The following STK36 variants were observed in gnomAD, a reference collection of about 807,000 sequenced individuals.
STK36 encodes serine/threonine-protein kinase 36.
STK36 carries 116 observed loss-of-function variants against 142.2 expected under a neutral mutation model. The ratio of observed to expected loss-of-function variants is 0.82; its 90% CI spans 0.70 to 0.95. The LOEUF (loss-of-function observed/expected upper bound fraction) is 0.95, where lower values mean the gene tolerates loss of function less well. Among genes scored for constraint, STK36 ranks in the 40% least tolerant of loss-of-function variants. The pLI is 0.00. For synonymous variants in STK36, 619 were observed against 641.7 expected, an observed-to-expected ratio of 0.96 and a Z score of 0.53; for missense variants, 1,422 against 1,617.2, an observed-to-expected ratio of 0.88 and a Z score of 2.07.
chr2:218,682,283 T>C (rs944501315), intron 10 of STK36, among the ~76,000 whole-genome samples: 3 of 152,154 alleles, frequency 2.0e-5, no homozygotes, highest in African/African-American at 7.2e-5. Context: ...CTCATTTGCT[T>C]TACCATCCTC....
In STK36 at chr2:218,688,780, T is replaced by C. The variant is rs73079060; in HGVS notation, c.1464T>C (p.Asp488=). ...GCAGTCTTCTCTCCAGCTGCAGTGA[T>C]TCTGTTGCCTTGTATTCCTTCTGCC... ...VLSSLLSSCS[D]SVALYSFCRE... is the part of the protein sequence containing the mutation. The change falls in exon 12 of 27, where the codon GAT becomes GAC. Residue 488 remains aspartate, a synonymous_variant. Transcript: ENST00000295709. 0.011 allele frequency: 18,267 copies of C among 1,614,122 alleles called. 1,744 individuals are homozygous for C. In the African/African-American group the frequency reaches 0.21, roughly 19 times the overall value.
At chr2:218,696,357 C>G (rs1941232840) in intron 21 of STK36, among the ~76,000 whole-genome samples, 170 bp from the exon 22 acceptor site, 4 of 152,126 alleles carry the variant, frequency 2.6e-5, no homozygotes, top group Admixed American at 2.6e-4. Context: ...TGACTGTTCT[C>G]TCTTCCCCAT....
At chr2:218,680,161 T>A in intron 9 of STK36, 81 bp downstream of exon 9, 2 of 1,359,596 alleles carry the variant, frequency 1.5e-6, no homozygotes, top group Non-Finnish European at 2.0e-6. Flanking sequence ...TACAGAATGG[T>A]CCCTGTCACT....
chr2:218,672,106 A>C lies in STK36; in HGVS notation c.-199A>C. 1.9e-6 allele frequency: 2 copies of C among 1,067,388 alleles called. No homozygotes were observed. The highest frequency in any genetic ancestry group is 2.1e-4 in the Middle Eastern group (1 of 4,698). 66.1% of individuals were successfully genotyped at this position (1,067,388 alleles called of 1,614,324 possible). A position where few individuals can be genotyped will look rare whatever the true frequency, so the allele number is the denominator to read the frequency against. On this transcript the variant is annotated 5_prime_UTR_variant, in exon 1 of 27. Coordinates refer to ENST00000295709, the MANE Select transcript of STK36 (RefSeq NM_015690.5). ...TCCTTAGCCGGGCCTGATGGCCCTG[A>C]GGCAGTTCGGATGTGTCCCAGGAAG... is the stretch of plus-strand genomic sequence containing the variant.
At position 218,702,624 on chromosome 2, in the gene STK36, A is replaced by G. The variant is rs1211288772; in HGVS notation, c.*615A>G. ...CTTTTAATAAAAGTTGTGCCTCACC[A>G]TACTTGAAGCTCCCAGGACAAGGGT... On this transcript the variant is annotated 3_prime_UTR_variant, in exon 27 of 27. Transcript: ENST00000295709. The G allele has an allele frequency of 2.0e-5, 3 of 152,182 alleles. No homozygotes were observed. Among genetic ancestry groups the G allele is most frequent in the Non-Finnish European group, 2.9e-5 (2 of 68,054 alleles). 9.4% of individuals were successfully genotyped at this position (152,182 alleles called of 1,614,324 possible).
Position 218,672,116 on chromosome 2 carries a change from G to A in STK36, c.-189G>A. The A allele has an allele frequency of 1.0e-6, 1 of 953,214 alleles. No individual in the cohort carries two copies. The allele number at this position is 953,214 out of a possible 1,614,324, so 59.0% of individuals were successfully genotyped here. ...GGCCTGATGGCCCTGAGGCAGTTCG[G>A]ATGTGTCCCAGGAAGTGCCCATGTG... On this transcript the variant is annotated 5_prime_UTR_variant, in exon 1 of 27. Transcript: ENST00000295709.
chr2:218,676,109 T>A lies in STK36; in HGVS notation c.515T>A (p.Val172Glu), dbSNP rs765505657. ...GTPLYMSPELVEERPYDHTAD... is the reference protein window; with the variant it reads ...GTPLYMSPELEEERPYDHTAD... ...CCACTCTATATGTCTCCAGAGCTGGTGGAGGAGCGACCATACGACCACACA... is the reference window on the plus strand; with the variant it reads ...CCACTCTATATGTCTCCAGAGCTGGAGGAGGAGCGACCATACGACCACACA... The change falls in exon 6 of 27, where the codon GTG (valine) becomes GAG (glutamate). Residue 172 changes from valine to glutamate, a missense_variant. By Grantham distance (121) the Val-to-Glu change is moderately radical. This residue lies in a region of STK36 where 460 missense variants were observed against 449.6 expected (regional missense o/e 1.02). Coordinates refer to ENST00000295709, the MANE Select transcript of STK36 (RefSeq NM_015690.5). 8.1e-6 allele frequency: 13 copies of A among 1,614,124 alleles called. No homozygotes were observed. The highest frequency in any genetic ancestry group is 1.1e-5 in the Non-Finnish European group (13 of 1,180,022).
chr2:218,675,481 T>C lies in STK36; in HGVS notation c.434+8T>C. On this transcript the variant is annotated splice_region_variant and intron_variant, in intron 5 of 26. Coordinates refer to ENST00000295709, the MANE Select transcript of STK36 (RefSeq NM_015690.5). ...CAAGCTCTGTGACTTTGGGTAAAGA[T>C]TCTGAGCATCCATCTAAGCTTCCAG... 6.2e-7 allele frequency: 1 copy of C among 1,612,282 alleles called. No individual in the cohort carries two copies. The highest frequency in any genetic ancestry group is 8.5e-7 in the Non-Finnish European group (1 of 1,179,366).
rs554690228 is a variant in STK36 at position 218,682,859 on chromosome 2, C to T, written c.1236+2157C>T. 8.5e-5 allele frequency among the ~76,000 whole-genome samples: 13 copies of T among 152,314 alleles called. No homozygotes were observed. The South Asian group carries it at 2.5e-3, about 29-fold the overall frequency. On this transcript the variant is annotated intron_variant, in intron 10 of 26. Transcript: ENST00000295709. ...CTGCCCGCGTCAGCCTCACAAAGTG[C>T]TGGGATTACAGTGAGCCACTGTGCC...
Position 218,672,867 on chromosome 2 carries a change from G to C in STK36, c.38G>C (p.Gly13Ala). 1.9e-6 allele frequency: 3 copies of C among 1,614,108 alleles called. No individual in the cohort carries two copies. The highest frequency in any genetic ancestry group is 2.2e-5 in the East Asian group (1 of 44,884). The change falls in exon 2 of 27, where the codon GGC becomes GCC. Residue 13 changes from glycine (G) to alanine (A), a missense_variant. Physicochemically the swap from Gly to Ala is moderately conservative, Grantham distance 60. Coordinates refer to ENST00000295709, the MANE Select transcript of STK36 (RefSeq NM_015690.5). ...KYHVLEMIGE[G>A]SFGRVYKGRR... ...CACGTGTTGGAGATGATTGGAGAAG[G>C]CTCTTTTGGGAGGGTGTACAAGGGT... is the stretch of plus-strand genomic sequence containing the variant.
At position 218,676,148 on chromosome 2, in the gene STK36, C is replaced by A; in HGVS notation, c.554C>A (p.Ser185Tyr). The change falls in exon 6 of 27, where the codon TCT (serine) becomes TAT (tyrosine). Residue 185 changes from serine (S) to tyrosine (Y), a missense_variant. Around this residue, in one of 2 missense-constraint regions of STK36, gnomAD observed 460 missense variants for 449.6 expected, o/e 1.02. Transcript: ENST00000295709. Reference protein sequence around the residue: ...RPYDHTADLWSVGCILYELAV... With the variant: ...RPYDHTADLWYVGCILYELAV... ...TACGACCACACAGCGGACCTCTGGT[C>A]TGTTGGCTGCATACTATATGAACTG... 1.9e-6 allele frequency: 3 copies of A among 1,614,162 alleles called. No homozygotes were observed. In the South Asian group the frequency reaches 3.3e-5, roughly 18 times the overall value.
At position 218,675,392 on chromosome 2, in the gene STK36, C is replaced by T. The variant is rs1469836216; in HGVS notation, c.353C>T (p.Ser118Phe). 6.2e-7 allele frequency: 1 copy of T among 1,611,290 alleles called. No homozygotes were observed. The highest frequency in any genetic ancestry group is 1.1e-5 in the South Asian group (1 of 90,878). Residue 118 changes from serine to phenylalanine, a missense_variant, in exon 5 of 27, where the codon TCC (serine) becomes TTC (phenylalanine). By Grantham distance (155) the Ser-to-Phe change is radical. Around this residue, in one of 2 missense-constraint regions of STK36, gnomAD observed 460 missense variants for 449.6 expected, o/e 1.02. Coordinates refer to ENST00000295709, the MANE Select transcript of STK36 (RefSeq NM_015690.5). ...GTGTCAGCCCTGTACTATCTGCATT[C>T]CCACCGCATCCTACACCGAGATATG... is the stretch of plus-strand genomic sequence containing the variant. ...QLVSALYYLH[S>F]HRILHRDMKP... is the part of the protein sequence containing the mutation.
intron 10 of STK36, among the ~76,000 whole-genome samples, chr2:218,684,414 C>CTTTCT (rs1940684417): frequency 2.0e-5 from 1 of 49,326 alleles, no homozygotes; most frequent in Non-Finnish European, 3.4e-5. Flanking sequence ...TGCGCCTGGC[C>CTTTCT]TTTTTTTTTT....
In STK36 at chr2:218,701,959, A is replaced by G. The variant is rs1309586240; in HGVS notation, c.3898A>G (p.Lys1300Glu). The G allele has an allele frequency of 1.9e-6, 3 of 1,614,178 alleles. No homozygotes were observed. The highest frequency in any genetic ancestry group is 1.3e-5 in the African/African-American group (1 of 75,052). ...PHSSPRPASA[K>E]HCRKLIHLLR... The stretch of plus-strand genomic sequence containing the variant: ...CAGCAGTCCTAGGCCTGCCTCTGCC[A>G]AACACTGCAGGAAACTCATTCACCT... Residue 1300 changes from lysine (K) to glutamate (E), a missense_variant, in exon 27 of 27, where the codon AAA (lysine) becomes GAA (glutamate). Coordinates refer to ENST00000295709, the MANE Select transcript of STK36 (RefSeq NM_015690.5).
intron 10 of STK36, among the ~76,000 whole-genome samples, chr2:218,683,941 T>G (rs1329273491): frequency 6.7e-6 from 1 of 150,090 alleles, no homozygotes; most frequent in Non-Finnish European, 1.5e-5. Flanking sequence ...TGCATAGTAT[T>G]CCATGGTGTA....
intron 6 of STK36, among the ~76,000 whole-genome samples, chr2:218,677,303 A>C (rs540640312): frequency 6.6e-6 from 1 of 152,210 alleles, no homozygotes; most frequent in East Asian, 1.9e-4. Flanking sequence ...GCAAGGGGGA[A>C]GTCCTCCCCC....
Position 218,697,829 on chromosome 2 carries a change from G to C in STK36, c.2910-25G>C, listed in dbSNP as rs1211767162. The C allele has an allele frequency of 1.9e-6, 3 of 1,614,026 alleles. No individual in the cohort carries two copies. The Admixed American group carries it at 5.0e-5, about 27-fold the overall frequency. ...ATAAAGGTTAAGTGAACAAGACCAA[G>C]TCTCTTCGACATTCCTCTCCTTAGG... On this transcript the variant is annotated intron_variant, in intron 24 of 26. Transcript: ENST00000295709.
rs1225507722 is a variant in STK36 at position 218,694,080 on chromosome 2, AG to A, written c.2336+99del. ...GAATGGTACCCTACAGCATATCCTTAGGAGGAATTGGGATAGAGAGCGTGAA... is the reference window on the plus strand; with the variant it reads ...GAATGGTACCCTACAGCATATCCTTAGAGGAATTGGGATAGAGAGCGTGAA... On this transcript the variant is annotated intron_variant, in intron 19 of 26. Transcript: ENST00000295709. This position sits in a 1 kb window ranked among gnomAD's most constrained non-coding sequence, Gnocchi z 4.4. The A allele has an allele frequency of 1.5e-6, 2 of 1,330,504 alleles. No individual in the cohort carries two copies. The highest frequency in any genetic ancestry group is 2.9e-5 in the African/African-American group (2 of 69,142). The allele number at this position is 1,330,504 out of a possible 1,614,324, so 82.4% of individuals were successfully genotyped here. A position where few individuals can be genotyped will look rare whatever the true frequency, so the allele number is the denominator to read the frequency against.
At position 218,673,684 on chromosome 2, in the gene STK36, G is replaced by A. The variant is rs200880634; in HGVS notation, c.144G>A (p.Leu48=). ...GCTCAGAGAAGGAGCTGAGGAATTT[G>A]CAACGAGAGATTGAAATAATGCGGG... ...LGRSEKELRN[L]QREIEIMRGL... is the part of the protein sequence containing the mutation. Residue 48 remains leucine, a synonymous_variant, in exon 3 of 27, where the codon TTG becomes TTA. Transcript: ENST00000295709. 14 of 1,614,156 alleles carry A rather than the reference G, an allele frequency of 8.7e-6. No homozygotes were observed. In the South Asian group the frequency reaches 1.2e-4, roughly 14 times the overall value.
Sources: allele counts gnomAD v4.1 joint callset (sites outside exome capture counted in the v4.1 genomes callset), GRCh38; gene constraint gnomAD v4.1.1; regional missense constraint gnomAD v4.1.1; non-coding constraint Gnocchi (gnomAD v3.1); transcripts MANE v1.5; gene names NCBI Gene and HGNC (gene_info 2026-07-23, HGNC 2026-07-21).